The following TECPR2 variants were observed in gnomAD, a reference collection of about 807,000 sequenced individuals.
TECPR2 encodes tectonin beta-propeller repeat-containing protein 2.
A neutral mutation model predicts 138.1 loss-of-function variants in TECPR2; 65 were observed. The ratio of observed to expected loss-of-function variants is 0.47; its 90% CI spans 0.39 to 0.58. TECPR2 has a LOEUF of 0.58. TECPR2 is among the 20% of genes least tolerant of loss of function. The pLI is 0.00. For synonymous variants in TECPR2, 746 were observed against 749.8 expected, an observed-to-expected ratio of 0.99 and a Z score of 0.08; for missense variants, 1,553 against 1,824.5, an observed-to-expected ratio of 0.85 and a Z score of 2.71.
At chr14:102,401,672 G>C (rs1351810500) in intron 2 of TECPR2, among the ~76,000 whole-genome samples, 1 of 151,508 alleles carries the variant, frequency 6.6e-6, no homozygotes, top group Non-Finnish European at 1.5e-5. Flanking sequence ...ATGCTTGGTG[G>C]TGGGTGCCTG....
At chr14:102,390,933 A>G (rs886200231) in intron 2 of TECPR2, among the ~76,000 whole-genome samples, 4 of 151,848 alleles carry the variant, frequency 2.6e-5, no homozygotes, top group Non-Finnish European at 4.4e-5. Flanking sequence ...TCATGAGACA[A>G]CCTCCCTGGG....
chr14:102,375,156 G>A (rs958455793), intron 1 of TECPR2, among the ~76,000 whole-genome samples: 7 of 152,036 alleles, frequency 4.6e-5, no homozygotes, highest in Non-Finnish European at 1.0e-4. Context: ...ACCAGCCTGG[G>A]CAACACAGCG....
intron 6 of TECPR2, among the ~76,000 whole-genome samples, 187 bp from the exon 7 acceptor site, chr14:102,428,063 C>G (rs1258403252): frequency 6.6e-6 from 1 of 152,084 alleles, no homozygotes; most frequent in Non-Finnish European, 1.5e-5. Flanking sequence ...CCCCTCAGAT[C>G]CTGCTTACCA....
rs1235946706 is a variant in TECPR2, at chr14:102,502,158, C to T, written c.*3901C>T. On this transcript the variant is annotated 3_prime_UTR_variant, in exon 20 of 20. Coordinates refer to ENST00000359520, the MANE Select transcript of TECPR2 (RefSeq NM_014844.5). The stretch of plus-strand genomic sequence containing the variant: ...AGGAAGCGGAGGCGCAGGACCTCAC[C>T]GCGCCAGCGTGAAGTTCCCGGGCAT... The T allele has an allele frequency of 6.6e-6, 1 of 151,628 alleles. No individual in the cohort carries two copies. The highest frequency in any genetic ancestry group is 2.4e-5 in the African/African-American group (1 of 41,374). 9.4% of individuals were successfully genotyped at this position (151,628 alleles called of 1,614,324 possible). A position where few individuals can be genotyped will look rare whatever the true frequency, so the allele number is the denominator to read the frequency against.
intron 17 of TECPR2, among the ~76,000 whole-genome samples, chr14:102,474,660 G>A (rs1341864342): frequency 6.6e-6 from 1 of 152,188 alleles, no homozygotes; most frequent in East Asian, 1.9e-4. Flanking sequence ...GATTATAAGT[G>A]ATTAAAATTT....
rs910196181 is a variant in TECPR2 at position 102,500,622 on chromosome 14, G to T, written c.*2365G>T. On this transcript the variant is annotated 3_prime_UTR_variant, in exon 20 of 20. Coordinates refer to ENST00000359520, the MANE Select transcript of TECPR2 (RefSeq NM_014844.5). ...ACCTCAGCAAGAAACCTCAGGCCGT[G>T]TGAAGAGCAGCAAAGCTTTCCAGAA... The T allele has an allele frequency of 7.2e-5, 11 of 152,412 alleles. No homozygotes were observed. Among genetic ancestry groups the T allele is most frequent in the African/African-American group, 2.6e-4 (11 of 41,582 alleles). The allele number at this position is 152,412 out of a possible 1,614,324, so 9.4% of individuals were successfully genotyped here.
At chr14:102,464,137 C>T (rs796842985) in intron 16 of TECPR2, among the ~76,000 whole-genome samples, 9 of 152,272 alleles carry the variant, frequency 5.9e-5, no homozygotes, top group South Asian at 2.1e-4. Flanking sequence ...TGAGTCCCGA[C>T]GGTCTCATGG....
intron 2 of TECPR2, among the ~76,000 whole-genome samples, chr14:102,406,183 A>G (rs1688462158): frequency 6.6e-6 from 1 of 152,196 alleles, no homozygotes; most frequent in African/African-American, 2.4e-5. Context: ...AATGTATTGA[A>G]TACCACTGAA....
At chr14:102,450,697 A>G (rs769492915) in intron 15 of TECPR2, 48 bp downstream of exon 15, 18 of 1,591,758 alleles carry the variant, frequency 1.1e-5, no homozygotes, top group Non-Finnish European at 1.6e-5. Context: ...CAGCTTGGCC[A>G]TTGGAAAGGT....
chr14:102,369,968 A>C (rs1238658990), intron 1 of TECPR2, among the ~76,000 whole-genome samples: 1 of 151,830 alleles, frequency 6.6e-6, no homozygotes, highest in African/African-American at 2.4e-5. Context: ...AAAATAAATA[A>C]ACAAACAAGC....
chr14:102,435,992 G>A (rs4906198), intron 9 of TECPR2, among the ~76,000 whole-genome samples: 58,456 of 152,114 alleles, frequency 0.38, 11,521 homozygotes, highest in Middle Eastern at 0.51. Flanking sequence ...CACAGTCTAC[G>A]CTGGCTTCTG....
chr14:102,432,123 A>C lies in TECPR2; in HGVS notation c.1412A>C (p.Lys471Thr), dbSNP rs775423317. The C allele has an allele frequency of 6.4e-7, 1 of 1,570,034 alleles. No homozygotes were observed. Among genetic ancestry groups the C allele is most frequent in the Non-Finnish European group, 8.7e-7 (1 of 1,154,872 alleles). ...GTGAAAAGGAAGAAGAAGAAGAAGAAGACAGGTACCCTCTGTAGCTGGCAC... is the reference window on the plus strand; with the variant it reads ...GTGAAAAGGAAGAAGAAGAAGAAGACGACAGGTACCCTCTGTAGCTGGCAC... ...IKVKRKKKKKKTEGGSRSTCH... is the reference protein window; with the variant it reads ...IKVKRKKKKKTTEGGSRSTCH... Residue 471 changes from lysine (K) to threonine (T), a missense_variant, in exon 8 of 20, where the codon AAG becomes ACG. Physicochemically the swap from Lys to Thr is moderately conservative, Grantham distance 78. Transcript: ENST00000359520.
chr14:102,493,657 G>A (rs1891206327), intron 17 of TECPR2, among the ~76,000 whole-genome samples: 1 of 152,204 alleles, frequency 6.6e-6, no homozygotes, highest in African/African-American at 2.4e-5. Flanking sequence ...GTGCGCTCCA[G>A]GTGGTCCCTG....
intron 9 of TECPR2, among the ~76,000 whole-genome samples, chr14:102,435,609 G>A (rs1889646107): frequency 6.6e-6 from 1 of 152,160 alleles, no homozygotes; most frequent in African/African-American, 2.4e-5. Flanking sequence ...GAGCAGTTTG[G>A]AGGCAGGGAG....
rs2139755102 is a variant in TECPR2 at position 102,452,434 on chromosome 14, C to T, written c.3447C>T (p.Cys1149=). The change falls in exon 16 of 20, where the codon TGC becomes TGT. Residue 1149 remains cysteine (C), a synonymous_variant. Transcript: ENST00000359520. ...LWLCQSSKDL[C]SVSAQSAQSR... Reference sequence around the variant, plus strand: ...TGTGCCAGAGCAGCAAGGACCTGTGCAGCGTCAGCGCCCAGAGCGCACAGT... The same window carrying T: ...TGTGCCAGAGCAGCAAGGACCTGTGTAGCGTCAGCGCCCAGAGCGCACAGT... 6.2e-7 allele frequency: 1 copy of T among 1,613,350 alleles called. No individual in the cohort carries two copies. The highest frequency in any genetic ancestry group is 8.5e-7 in the Non-Finnish European group (1 of 1,179,474).
chr14:102,472,995 A>G (rs1035215342), intron 17 of TECPR2, among the ~76,000 whole-genome samples: 1 of 152,248 alleles, frequency 6.6e-6, no homozygotes, highest in Admixed American at 6.5e-5. Context: ...TGCCTGAAGC[A>G]CATCTTTCCC....
chr14:102,461,813 G>A (rs1207634080), intron 16 of TECPR2, among the ~76,000 whole-genome samples: 6 of 152,170 alleles, frequency 3.9e-5, no homozygotes, highest in African/African-American at 1.4e-4. Context: ...CTAACTCTAA[G>A]GGAATGTGAG....
At chr14:102,481,594 C>T (rs1468683985) in intron 17 of TECPR2, among the ~76,000 whole-genome samples, 1 of 152,174 alleles carries the variant, frequency 6.6e-6, no homozygotes, top group Non-Finnish European at 1.5e-5. Flanking sequence ...ACAGAGTGAG[C>T]CTCCATCTGT....
At chr14:102,447,824 C>A (rs1202009779) in intron 13 of TECPR2, among the ~76,000 whole-genome samples, 1 of 150,890 alleles carries the variant, frequency 6.6e-6, no homozygotes, top group Non-Finnish European at 1.5e-5. Flanking sequence ...TGAACCACCG[C>A]GCCCGGCCAG....
Sources: allele counts gnomAD v4.1 joint callset (sites outside exome capture counted in the v4.1 genomes callset), GRCh38; gene constraint gnomAD v4.1.1; transcripts MANE v1.5; gene names NCBI Gene and HGNC (gene_info 2026-07-23, HGNC 2026-07-21).